The following UNC80 variants were observed in gnomAD, a reference collection of about 807,000 sequenced individuals.
The protein encoded by UNC80 is unc-80 subunit of NALCN channel complex.
Under a neutral mutation model 384.6 loss-of-function variants are expected in UNC80, and 164 were observed. The ratio of observed to expected loss-of-function variants is 0.43; its 90% confidence interval spans 0.38 to 0.49. UNC80 has a LOEUF of 0.49. UNC80 is among the 20% of genes least tolerant of loss of function. UNC80 has a pLI of 0.00. For synonymous variants in UNC80, 1,486 were observed against 1,527.8 expected (o/e 0.97, Z 0.64); for missense variants, 3,330 against 4,143.0 (o/e 0.80, Z 5.39).
chr2:209,842,130 T>C (rs2081805471), intron 20 of UNC80, among the ~76,000 whole-genome samples: 1 of 152,228 alleles, frequency 6.6e-6, no homozygotes, highest in African/African-American at 2.4e-5. Flanking sequence ...TAGCTTTTAA[T>C]CTGGGACCTG....
chr2:209,856,012 A>G (rs1203615464), intron 22 of UNC80, among the ~76,000 whole-genome samples: 6 of 152,150 alleles, frequency 3.9e-5, no homozygotes, highest in Non-Finnish European at 8.8e-5. Context: ...GAGTAAAATT[A>G]TTGAGTTACA....
At chr2:209,919,893 G>C (rs1408147376) in intron 33 of UNC80, among the ~76,000 whole-genome samples, 1 of 152,166 alleles carries the variant, frequency 6.6e-6, no homozygotes. Context: ...CTGTGGATTT[G>C]AAATCAAGTA....
rs1351087773 is a variant in UNC80, at chr2:209,826,039, G to A, written c.2464G>A (p.Val822Ile). Residue 822 changes from valine (V) to isoleucine (I), a missense_variant, in exon 14 of 65, where the codon GTA (valine) becomes ATA (isoleucine). This residue lies in a region of UNC80 where 937 missense variants were observed against 1,026.8 expected (regional missense o/e 0.91). Transcript: ENST00000673920. The part of the protein sequence containing the change: ...GLSGDRLRHQ[V>I]FRENAQNCLT... ...CTCTGGAGATCGTCTGAGACACCAGGTATTCCGAGAGAATGTAAGAGAATT... is the reference window on the plus strand; with the variant it reads ...CTCTGGAGATCGTCTGAGACACCAGATATTCCGAGAGAATGTAAGAGAATT... 3 of 1,548,838 alleles carry A rather than the reference G, an allele frequency of 1.9e-6. No individual in the cohort carries two copies. The highest frequency in any genetic ancestry group is 2.6e-6 in the Non-Finnish European group (3 of 1,145,844).
intron 5 of UNC80, among the ~76,000 whole-genome samples, chr2:209,788,924 A>G (rs2077624918): frequency 6.6e-6 from 1 of 152,142 alleles, no homozygotes; most frequent in Admixed American, 6.5e-5. Flanking sequence ...AGTGCTCTAT[A>G]TAGGTGTATA....
At chr2:209,959,451 A>G (rs1284798530) in intron 50 of UNC80, 38 bp from the exon 51 acceptor site, 2 of 1,539,924 alleles carry the variant, frequency 1.3e-6, no homozygotes, top group Non-Finnish European at 8.8e-7. Flanking sequence ...ACATGAATAC[A>G]TTTTCAGACC....
At chr2:209,903,651 AATAT>A (rs373274674) in intron 28 of UNC80, among the ~76,000 whole-genome samples, 1 of 96,374 alleles carries the variant, frequency 1.0e-5, no homozygotes, top group Non-Finnish European at 2.1e-5. Flanking sequence ...GTATATATGT[AATAT>A]ATATATACTA....
chr2:209,831,599 G>T lies in UNC80; in HGVS notation c.2775+8G>T. 6.5e-7 allele frequency: 1 copy of T among 1,532,086 alleles called. No homozygotes were observed. Among genetic ancestry groups the T allele is most frequent in the Non-Finnish European group, 8.8e-7 (1 of 1,138,094 alleles). 94.9% of individuals were successfully genotyped at this position (1,532,086 alleles called of 1,614,324 possible). A position where few individuals can be genotyped will look rare whatever the true frequency, so the allele number is the denominator to read the frequency against. ...CACAGCCCTGAGAATCTGGTGAGAA[G>T]CTCTCCTCTCTTCCCACAGGAGCTC... On this transcript the variant is annotated splice_region_variant and intron_variant, in intron 16 of 64. Coordinates refer to ENST00000673920, the MANE Select transcript of UNC80 (RefSeq NM_001371986.1).
intron 17 of UNC80, 145 bp downstream of exon 17, chr2:209,834,313 T>G: frequency 1.2e-6 from 1 of 831,388 alleles, no homozygotes; most frequent in Non-Finnish European, 1.8e-6. Context: ...ACTGGTGTGG[T>G]GTAGCTGCAG....
chr2:209,974,620 C>T (rs1456840358), intron 56 of UNC80, among the ~76,000 whole-genome samples: 1 of 152,216 alleles, frequency 6.6e-6, no homozygotes, highest in African/African-American at 2.4e-5. Flanking sequence ...CTGTGCTTTA[C>T]ACTATTACCA....
chr2:209,901,829 C>T (rs748910479), intron 28 of UNC80, among the ~76,000 whole-genome samples: 5 of 151,578 alleles, frequency 3.3e-5, no homozygotes, highest in East Asian at 2.0e-4. Context: ...CTCGAGAGGC[C>T]GAGGCAGGAG....
rs967692130 is a variant in UNC80, at chr2:209,976,699, G to A, written c.8773-214G>A. The stretch of plus-strand genomic sequence containing the variant: ...GTATGTTTTTCCTCCAAGACCCTCG[G>A]TACCCATCTACACTTGGTCTTTTCA... On this transcript the variant is annotated intron_variant, in intron 57 of 64. Coordinates refer to ENST00000673920, the MANE Select transcript of UNC80 (RefSeq NM_001371986.1). This position sits in a 1 kb window ranked among gnomAD's most constrained non-coding sequence, Gnocchi z 4.3. 2.0e-5 allele frequency among the ~76,000 whole-genome samples: 3 copies of A among 151,556 alleles called. No homozygotes were observed. The highest frequency in any genetic ancestry group is 4.9e-5 in the African/African-American group (2 of 41,190).
At chr2:209,906,207 C>T (rs115713788) in intron 29 of UNC80, among the ~76,000 whole-genome samples, 1,874 of 152,024 alleles carry the variant, frequency 0.012, 35 homozygotes, top group African/African-American at 0.042. Context: ...CCAGTTGAGT[C>T]GTGTAGCAAT....
At chr2:209,955,576 G>A (rs1399368155) in intron 48 of UNC80, among the ~76,000 whole-genome samples, 1 of 150,844 alleles carries the variant, frequency 6.6e-6, no homozygotes, top group Non-Finnish European at 1.5e-5. Context: ...ATATCCTAAA[G>A]AGAAATGAAA....
At chr2:209,817,978 C>T in intron 11 of UNC80, 26 bp downstream of exon 11, 1 of 1,550,658 alleles carries the variant, frequency 6.4e-7, no homozygotes, top group Non-Finnish European at 8.7e-7. Flanking sequence ...GGCCTACGGG[C>T]AGGAGTTCAG....
intron 12 of UNC80, 23 bp from the exon 13 acceptor site, chr2:209,820,288 T>C: frequency 6.7e-7 from 1 of 1,503,138 alleles, no homozygotes; most frequent in Non-Finnish European, 8.9e-7. Context: ...TTAATCATGC[T>C]GTGTTTATCT....
chr2:209,945,287 T>A, intron 46 of UNC80, 98 bp downstream of exon 46: 1 of 1,234,244 alleles, frequency 8.1e-7, no homozygotes, highest in East Asian at 2.7e-5. Context: ...TATATGTGTG[T>A]GTATATATAA....
chr2:209,866,523 CACACACACACAGAGAGAG>C (rs1220689405), intron 22 of UNC80, among the ~76,000 whole-genome samples: 94 of 137,138 alleles, frequency 6.9e-4, no homozygotes, highest in African/African-American at 2.9e-3. Flanking sequence ...CACACACACA[CACACACACACAGAGAGAG>C]AGAGAGAGAG....
At chr2:209,935,011 T>C (rs2091148694) in intron 39 of UNC80, among the ~76,000 whole-genome samples, 1 of 152,204 alleles carries the variant, frequency 6.6e-6, no homozygotes, top group African/African-American at 2.4e-5. Flanking sequence ...GTAGAATAAA[T>C]ATTGTCTCCA....
chr2:209,784,529 G>T (rs2077319045), intron 4 of UNC80, among the ~76,000 whole-genome samples: 1 of 151,998 alleles, frequency 6.6e-6, no homozygotes, highest in Non-Finnish European at 1.5e-5. Context: ...GCACACTTAG[G>T]GCCTTTGTGT....
Sources: gnomAD v4.1 joint callset for allele counts (sites outside exome capture counted in the v4.1 genomes callset) on GRCh38, gnomAD v4.1.1 for gene constraint, gnomAD v4.1.1 regional missense constraint, Gnocchi (gnomAD v3.1) non-coding constraint, MANE v1.5 for transcripts, NCBI Gene and HGNC (gene_info 2026-07-23, HGNC 2026-07-21) for gene names.